Variants in ATM observed in about 807,000 individuals in gnomAD.
ATM encodes serine-protein kinase ATM.
Under a neutral mutation model 387.0 loss-of-function variants are expected in ATM, and 308 were observed. The observed-to-expected ratio is 0.80, with a 90% CI of 0.73 to 0.87. The LOEUF (loss-of-function observed/expected upper bound fraction) is 0.87, where lower values mean the gene tolerates loss of function less well. ATM is among the 40% of genes least tolerant of loss of function. The pLI is 0.00. For missense variants in ATM, 3,312 were observed against 3,560.9 expected, an observed-to-expected ratio of 0.93 and a Z score of 1.78; for synonymous variants, 1,156 against 1,187.3, an observed-to-expected ratio of 0.97 and a Z score of 0.54.
intron 44 of ATM, 70 bp downstream of exon 44, chr11:108,320,128 A>G (rs1028324322): frequency 1.1e-5 from 13 of 1,190,390 alleles, no homozygotes; most frequent in Non-Finnish European, 1.6e-5. Flanking sequence ...AAAACTTGAG[A>G]AACAATTTTA....
At position 108,343,338 on chromosome 11, in the gene ATM, T is replaced by C. The variant is rs1251164631; in HGVS notation, c.8385T>C (p.Asp2795=). Residue 2795 remains aspartate, a synonymous_variant, in exon 57 of 63, where the codon GAT becomes GAC. Coordinates refer to ENST00000675843, the MANE Select transcript of ATM (RefSeq NM_000051.4). ...DGAHKRYRPN[D]FSAFQCQKKM... ...CTCATAAAAGATACAGGCCAAATGA[T>C]TTCAGTGCCTTTCAGTGCCAAAAGA... 6.2e-7 allele frequency: 1 copy of C among 1,613,816 alleles called. No homozygotes were observed. Among genetic ancestry groups the C allele is most frequent in the Admixed American group, 1.7e-5 (1 of 59,960 alleles).
chr11:108,284,175 T>C, intron 25 of ATM, 52 bp from the exon 26 acceptor site: 1 of 1,408,408 alleles, frequency 7.1e-7, no homozygotes, highest in Non-Finnish European at 9.7e-7. Context: ...TTTATAAAAT[T>C]TTACTTGGAA....
At chr11:108,267,016 G>A (rs986895921) in intron 16 of ATM, among the ~76,000 whole-genome samples, 155 bp from the exon 17 acceptor site, 3 of 151,974 alleles carry the variant, frequency 2.0e-5, no homozygotes, top group South Asian at 2.1e-4. Context: ...GGCTGGTTTC[G>A]AACTCCCGAC....
chr11:108,311,637 G>A (rs1302615342), intron 39 of ATM, among the ~76,000 whole-genome samples: 1 of 152,018 alleles, frequency 6.6e-6, no homozygotes, highest in Non-Finnish European at 1.5e-5. Context: ...GGGAGAGGCT[G>A]CAGTGAGCCA....
intron 7 of ATM, among the ~76,000 whole-genome samples, chr11:108,245,648 T>C (rs903479087): frequency 1.3e-5 from 2 of 152,070 alleles, no homozygotes; most frequent in African/African-American, 4.8e-5. Context: ...TGCTTTTCTG[T>C]AGTTAGGAAC....
intron 24 of ATM, among the ~76,000 whole-genome samples, chr11:108,282,443 C>T (rs1034190854): frequency 2.0e-5 from 3 of 152,096 alleles, no homozygotes; most frequent in Non-Finnish European, 2.9e-5. Flanking sequence ...TACATTAAAT[C>T]TTCCTTTAAG....
In ATM at chr11:108,303,031, TAAG is replaced by T. The variant is rs878853523; in HGVS notation, c.5496+7_5496+9del. 1 of 1,608,438 alleles carries T rather than the reference TAAG, an allele frequency of 6.2e-7. No individual in the cohort carries two copies. The highest frequency in any genetic ancestry group is 1.3e-5 in the African/African-American group (1 of 74,768). On this transcript the variant is annotated splice_donor_5th_base_variant and intron_variant, in intron 36 of 62. Transcript: ENST00000675843. Reference sequence around the variant, plus strand: ...CAATTATTAAAGCCAATGTGTGAAGTAAGAAGATTAATTAGTCTGATATAATTC... The same window carrying T: ...CAATTATTAAAGCCAATGTGTGAAGTAAGATTAATTAGTCTGATATAATTC...
chr11:108,317,312 C>A (rs17107917), intron 42 of ATM, 61 bp from the exon 43 acceptor site: 2 of 1,536,530 alleles, frequency 1.3e-6, no homozygotes, highest in Non-Finnish European at 1.8e-6. Flanking sequence ...CTGTTTTTTT[C>A]TCTGGTTTTC....
chr11:108,341,763 A>T (rs1409479543), intron 56 of ATM, among the ~76,000 whole-genome samples: 1 of 152,222 alleles, frequency 6.6e-6, no homozygotes, highest in African/African-American at 2.4e-5. Context: ...TAATCTGGAA[A>T]ATACAAATTA....
intron 48 of ATM, among the ~76,000 whole-genome samples, chr11:108,328,215 G>T (rs1394196222): frequency 6.6e-6 from 1 of 152,116 alleles, no homozygotes; most frequent in South Asian, 2.1e-4. Context: ...CTAAATAAGT[G>T]TAACATGAAA....
Position 108,241,295 on chromosome 11 carries a change from A to G in ATM, c.497-2658A>G, listed in dbSNP as rs190479174. On this transcript the variant is annotated intron_variant, in intron 5 of 62. Transcript: ENST00000675843. The stretch of plus-strand genomic sequence containing the variant: ...TTTTGTTTTGTTTTGTTTTTTAAGA[A>G]GAAGAAGGAGGAATATAGTATAAAA... 4.6e-5 allele frequency among the ~76,000 whole-genome samples: 7 copies of G among 152,296 alleles called. No individual in the cohort carries two copies. The East Asian group carries it at 1.2e-3, about 25-fold the overall frequency.
At chr11:108,234,496 A>C (rs1163945667) in intron 4 of ATM, among the ~76,000 whole-genome samples, 1 of 152,174 alleles carries the variant, frequency 6.6e-6, no homozygotes, top group Non-Finnish European at 1.5e-5. Flanking sequence ...TAGTCATGCC[A>C]AGTTTTCAGA....
chr11:108,241,742 C>CTTTTTTTTTTTTTTTTTTTTTTTTTT (rs1206745957), intron 5 of ATM, among the ~76,000 whole-genome samples: 1 of 45,366 alleles, frequency 2.2e-5, no homozygotes, highest in African/African-American at 7.2e-5. Context: ...TTCTTTCTTT[C>CTTTTTTTTTTTTTTTTTTTTTTTTTT]TTTTTTTTTT....
intron 24 of ATM, 50 bp from the exon 25 acceptor site, chr11:108,282,660 G>T (rs2135684782): frequency 6.5e-7 from 1 of 1,530,700 alleles, no homozygotes; most frequent in South Asian, 1.1e-5. Flanking sequence ...GCATTTAAAT[G>T]ATTTATTTTT....
chr11:108,323,228 G>A (rs964324998), intron 45 of ATM, among the ~76,000 whole-genome samples: 28 of 152,120 alleles, frequency 1.8e-4, no homozygotes, highest in African/African-American at 6.8e-4. Context: ...TGGCTTAGGA[G>A]GAAAATAAAG....
At chr11:108,224,162 T>A (rs2134954034) in intron 1 of ATM, 1 of 152,330 alleles carries the variant, frequency 6.6e-6, no homozygotes, top group Middle Eastern at 3.4e-3. Flanking sequence ...GTTTTTCCTT[T>A]TATCATTGAG....
rs1591684476 is a variant in ATM at position 108,294,961 on chromosome 11, A to G, written c.4811A>G (p.Asp1604Gly). The G allele has an allele frequency of 6.2e-7, 1 of 1,613,802 alleles. No individual in the cohort carries two copies. Among genetic ancestry groups the G allele is most frequent in the Non-Finnish European group, 8.5e-7 (1 of 1,179,804 alleles). Residue 1604 changes from aspartate to glycine, a missense_variant, in exon 32 of 63, where the codon GAT (aspartate) becomes GGT (glycine). Physicochemically the swap from Asp to Gly is moderately conservative, Grantham distance 94 (BLOSUM62 -1). Transcript: ENST00000675843. ...INHFLSVSVY[D>G]ALPLTRLEGL... ...CATTTTCTCTCAGTAAGTGTTTATG[A>G]TGCACTTCCATTGACAAGACTTGAA... is the stretch of plus-strand genomic sequence containing the variant.
At chr11:108,239,776 GT>G (rs984511723) in intron 5 of ATM, among the ~76,000 whole-genome samples, 9 of 152,174 alleles carry the variant, frequency 5.9e-5, no homozygotes, top group Non-Finnish European at 1.2e-4. Flanking sequence ...AAGGGTTCCA[GT>G]TTCTCTACAT....
In ATM at chr11:108,310,172, AACAATTTTTAATGAT is replaced by A. The variant is rs786203678; in HGVS notation, c.5776_5790del (p.Thr1926_Asp1930del). 2.5e-6 allele frequency: 4 copies of A among 1,613,460 alleles called. No homozygotes were observed. The highest frequency in any genetic ancestry group is 3.4e-6 in the Non-Finnish European group (4 of 1,179,672). On this transcript the variant is annotated inframe_deletion, in exon 39 of 63. Transcript: ENST00000675843. ...CATTTTTCTTTAGACCTTCTTCAGG[AACAATTTTTAATGAT>A]GCTTTCTGGCTGGATTTAAATTATC...
Sources: allele counts gnomAD v4.1 joint callset (sites outside exome capture counted in the v4.1 genomes callset), GRCh38; gene constraint gnomAD v4.1.1; transcripts MANE v1.5; gene names NCBI Gene and HGNC (gene_info 2026-07-23, HGNC 2026-07-21).